PRKN: variants seen among roughly 807,000 people sequenced by gnomAD.
PRKN encodes parkin RBR E3 ubiquitin protein ligase.
PRKN carries 56 observed loss-of-function variants against 59.5 expected under a neutral mutation model. That is an observed-to-expected ratio of 0.94 (90% CI 0.76 to 1.18). The LOEUF (loss-of-function observed/expected upper bound fraction) is 1.18. Ranked by LOEUF, PRKN falls within the 50% of genes most tolerant of loss-of-function variation. The pLI, the probability that PRKN is intolerant of heterozygous loss-of-function variation, is 0.00. For synonymous variants in PRKN, 250 were observed against 222.1 expected (o/e 1.13, Z -1.12); for missense variants, 657 against 596.4 (o/e 1.10, Z -1.06).
At chr6:162,440,335 C>T (rs1284835822) in intron 2 of PRKN, among the ~76,000 whole-genome samples, 1 of 152,104 alleles carries the variant, frequency 6.6e-6, no homozygotes, top group Non-Finnish European at 1.5e-5. Context: ...GTTAAATAGA[C>T]AAACTCGCTT....
chr6:162,087,542 C>T lies in PRKN; in HGVS notation c.535-33368G>A, dbSNP rs1056344929. Among the ~76,000 whole-genome samples the T allele has an allele frequency of 3.3e-5, 5 of 149,330 alleles. No homozygotes were observed. In the East Asian group the frequency reaches 9.9e-4, roughly 30 times the overall value. On this transcript the variant is annotated intron_variant, in intron 4 of 11. Transcript: ENST00000366898. ...CCTATGAAAGGAAGCATGGTTTCTG[C>T]TTCAAGTGGGTGAGTGGAGGGCCTA... is the stretch of plus-strand genomic sequence containing the variant.
chr6:162,438,288 T>A (rs1229667335), intron 2 of PRKN, among the ~76,000 whole-genome samples: 19 of 152,194 alleles, frequency 1.2e-4, no homozygotes, highest in Admixed American at 1.0e-3. Context: ...GACAATGCTA[T>A]AACTTTTGCT....
chr6:161,585,476 G>T (rs544071801), intron 7 of PRKN, among the ~76,000 whole-genome samples: 1 of 152,286 alleles, frequency 6.6e-6, no homozygotes, highest in Admixed American at 6.5e-5. Flanking sequence ...ATACCAAAGA[G>T]AAATTAAAAC....
chr6:161,851,036 T>C (rs1583245900), intron 6 of PRKN, among the ~76,000 whole-genome samples: 1 of 152,216 alleles, frequency 6.6e-6, no homozygotes, highest in African/African-American at 2.4e-5. Flanking sequence ...TTTATTGCCA[T>C]GGATTTAACG....
At chr6:162,068,120 A>G (rs1778411867) in intron 4 of PRKN, among the ~76,000 whole-genome samples, 1 of 152,198 alleles carries the variant, frequency 6.6e-6, no homozygotes, top group Non-Finnish European at 1.5e-5. Context: ...AGATTTTGTT[A>G]CAAGAAATGT....
intron 4 of PRKN, among the ~76,000 whole-genome samples, chr6:162,168,108 T>C (rs1783072016): frequency 6.6e-6 from 1 of 152,126 alleles, no homozygotes; most frequent in South Asian, 2.1e-4. Flanking sequence ...TTATAAGAAG[T>C]ATAAGTCAAA....
At chr6:162,547,086 A>G (rs1225751363) in intron 1 of PRKN, among the ~76,000 whole-genome samples, 2 of 152,106 alleles carry the variant, frequency 1.3e-5, no homozygotes, top group Non-Finnish European at 2.9e-5. Flanking sequence ...ACAACATTCA[A>G]CTGGTAGCAT....
chr6:161,801,020 C>A (rs58436313), intron 6 of PRKN, among the ~76,000 whole-genome samples: 4,966 of 152,234 alleles, frequency 0.033, 282 homozygotes, highest in African/African-American at 0.11. Flanking sequence ...TGGCTTAATG[C>A]ATGAATGCAT....
At chr6:162,253,153 G>A (rs895813928) in intron 3 of PRKN, among the ~76,000 whole-genome samples, 4 of 152,170 alleles carry the variant, frequency 2.6e-5, no homozygotes, top group Non-Finnish European at 5.9e-5. Flanking sequence ...ATTATTTGCC[G>A]TGGAGTCCAA....
At chr6:161,848,809 A>G (rs1407223146) in intron 6 of PRKN, among the ~76,000 whole-genome samples, 1 of 152,248 alleles carries the variant, frequency 6.6e-6, no homozygotes, top group East Asian at 1.9e-4. Flanking sequence ...TAAGCTGAAG[A>G]TGTTACAGAG....
At chr6:162,349,770 TC>T (rs1212344150) in intron 2 of PRKN, among the ~76,000 whole-genome samples, 1 of 152,136 alleles carries the variant, frequency 6.6e-6, no homozygotes, top group Admixed American at 6.6e-5. Flanking sequence ...CTGAAGGCTT[TC>T]CCCTTAAAAG....
rs566302968 is a variant in PRKN, at chr6:161,750,057, T to A, written c.871+35715A>T. 4.0e-4 allele frequency among the ~76,000 whole-genome samples: 61 copies of A among 151,392 alleles called. 1 individual carries two copies. In the South Asian group the frequency reaches 0.01, roughly 25 times the overall value. On this transcript the variant is annotated intron_variant, in intron 7 of 11. Coordinates refer to ENST00000366898, the MANE Select transcript of PRKN (RefSeq NM_004562.3). Reference sequence around the variant, plus strand: ...GAAGCAATACCACTTGACTGGATATTTTCAATTCATAGGATATTAATGGAT... The same window carrying A: ...GAAGCAATACCACTTGACTGGATATATTCAATTCATAGGATATTAATGGAT...
At chr6:161,857,609 G>T (rs1311550479) in intron 6 of PRKN, among the ~76,000 whole-genome samples, 1 of 152,196 alleles carries the variant, frequency 6.6e-6, no homozygotes, top group Non-Finnish European at 1.5e-5. Flanking sequence ...TCTGTTAAAT[G>T]TATCAGTTTG....
At chr6:161,665,114 T>C (rs1784680767) in intron 7 of PRKN, among the ~76,000 whole-genome samples, 1 of 152,146 alleles carries the variant, frequency 6.6e-6, no homozygotes, top group Non-Finnish European at 1.5e-5. Flanking sequence ...CTCAAAAGGC[T>C]TTATTTAAAT....
At chr6:162,036,534 C>A (rs1783856932) in intron 5 of PRKN, among the ~76,000 whole-genome samples, 1 of 151,346 alleles carries the variant, frequency 6.6e-6, no homozygotes, top group African/African-American at 2.4e-5. Context: ...CACCTGCCAC[C>A]ACGCTCGGCT....
At chr6:162,025,181 A>C (rs1223182952) in intron 5 of PRKN, among the ~76,000 whole-genome samples, 3 of 151,654 alleles carry the variant, frequency 2.0e-5, no homozygotes, top group Non-Finnish European at 4.4e-5. Context: ...ACGCCTGGCT[A>C]ATTTTTTGTA....
chr6:162,484,234 T>C (rs1409764035), intron 1 of PRKN, among the ~76,000 whole-genome samples: 1 of 152,162 alleles, frequency 6.6e-6, no homozygotes, highest in Non-Finnish European at 1.5e-5. Flanking sequence ...TTTTGAAAGG[T>C]AAGCAGACTC....
At chr6:162,317,562 G>T (rs187001899) in intron 2 of PRKN, among the ~76,000 whole-genome samples, 1 of 152,150 alleles carries the variant, frequency 6.6e-6, no homozygotes, top group Non-Finnish European at 1.5e-5. Flanking sequence ...TACTGTGTTT[G>T]TTTTCCCTAT....
At chr6:162,348,476 G>C (rs1784495460) in intron 2 of PRKN, among the ~76,000 whole-genome samples, 1 of 152,010 alleles carries the variant, frequency 6.6e-6, no homozygotes, top group African/African-American at 2.4e-5. Context: ...ACCTATATTA[G>C]AAAAGAAGAT....
Sources: gnomAD v4.1 joint callset for allele counts (sites outside exome capture counted in the v4.1 genomes callset) on GRCh38, gnomAD v4.1.1 for gene constraint, MANE v1.5 for transcripts, NCBI Gene and HGNC (gene_info 2026-07-23, HGNC 2026-07-21) for gene names.